SLC8A1: variants seen among roughly 807,000 people sequenced by gnomAD.
SLC8A1 encodes the protein solute carrier family 8 member A1.
In SLC8A1, 18 loss-of-function variants were observed where a neutral mutation model predicts 68.3. The observed-to-expected ratio is 0.26, with a 90% CI of 0.18 to 0.39. SLC8A1 has a LOEUF of 0.39. Ranked by LOEUF, SLC8A1 falls within the 10% of genes least tolerant of loss-of-function variation. SLC8A1 has a pLI of 1.00. For missense variants in SLC8A1, 985 were observed against 1,156.7 expected (o/e 0.85, Z 2.15); for synonymous variants, 475 against 415.5 (o/e 1.14, Z -1.74).
chr2:40,280,554 A>T (rs1476121607), intron 2 of SLC8A1, among the ~76,000 whole-genome samples: 1 of 152,202 alleles, frequency 6.6e-6, no homozygotes, highest in African/African-American at 2.4e-5. Flanking sequence ...AAATTAACTA[A>T]TTCATTTATT....
intron 2 of SLC8A1, among the ~76,000 whole-genome samples, chr2:40,388,149 G>A (rs1369925620): frequency 6.6e-6 from 1 of 152,036 alleles, no homozygotes; most frequent in Non-Finnish European, 1.5e-5. Flanking sequence ...CTGATGAGTA[G>A]TGCCCCTTAG....
chr2:40,407,925 G>T lies in SLC8A1; in HGVS notation c.1808+20548C>A, dbSNP rs567193980. Among the ~76,000 whole-genome samples, 9 of 152,228 alleles carry T rather than the reference G, an allele frequency of 5.9e-5. No individual in the cohort carries two copies. In the South Asian group the frequency reaches 6.2e-4, roughly 11 times the overall value. On this transcript the variant is annotated intron_variant, in intron 2 of 7. Coordinates refer to ENST00000406785, the Ensembl canonical transcript of SLC8A1. ...TTTTCTATCCTGTGGATCTTCACTG[G>T]TGACTGTAACTACTAACCAGTTTGC...
At chr2:40,214,021 T>C (rs1230076682) in intron 2 of SLC8A1, among the ~76,000 whole-genome samples, 1 of 152,082 alleles carries the variant, frequency 6.6e-6, no homozygotes, top group Non-Finnish European at 1.5e-5. Context: ...AAAACCTAAG[T>C]GTGTAGCCAG....
intron 2 of SLC8A1, among the ~76,000 whole-genome samples, chr2:40,365,795 G>C (rs1318576052): frequency 6.6e-6 from 1 of 151,936 alleles, no homozygotes. Flanking sequence ...GAGGCCAGGA[G>C]TTCAAGACCA....
At chr2:40,172,674 G>A (rs1191881074) in intron 4 of SLC8A1, among the ~76,000 whole-genome samples, 2 of 152,166 alleles carry the variant, frequency 1.3e-5, no homozygotes, top group East Asian at 3.9e-4. Flanking sequence ...CAGGTGCGGT[G>A]GCTCACGCCT....
chr2:40,147,232 TA>T (rs66542100), intron 6 of SLC8A1, among the ~76,000 whole-genome samples: 45,387 of 151,580 alleles, frequency 0.3, 6,993 homozygotes, highest in African/African-American at 0.35. Context: ...CTCTTGTTCC[TA>T]AAAAAAAATC....
At chr2:40,341,616 A>T (rs964378095) in intron 2 of SLC8A1, among the ~76,000 whole-genome samples, 1 of 152,294 alleles carries the variant, frequency 6.6e-6, no homozygotes, top group African/African-American at 2.4e-5. Flanking sequence ...TGCTTTTTGG[A>T]AAGTTTCTTA....
At chr2:40,367,253 C>T (rs1676526236) in intron 2 of SLC8A1, among the ~76,000 whole-genome samples, 1 of 152,012 alleles carries the variant, frequency 6.6e-6, no homozygotes, top group African/African-American at 2.4e-5. Flanking sequence ...CCATTTGTCT[C>T]CTAGACATCA....
At chr2:40,443,654 A>G (rs536881459) in intron 1 of SLC8A1, among the ~76,000 whole-genome samples, 1 of 152,320 alleles carries the variant, frequency 6.6e-6, no homozygotes, top group South Asian at 2.1e-4. Context: ...TATAGGGTCA[A>G]TGTGGTAGAT....
At chr2:40,353,880 C>T (rs141368360) in intron 2 of SLC8A1, among the ~76,000 whole-genome samples, 1,681 of 152,340 alleles carry the variant, frequency 0.011, 19 homozygotes, top group Non-Finnish European at 0.019. Flanking sequence ...GAATCTACTT[C>T]CTCACTGCCC....
chr2:40,434,901 A>G (rs1032817474), intron 1 of SLC8A1, among the ~76,000 whole-genome samples: 1 of 152,154 alleles, frequency 6.6e-6, no homozygotes, highest in Non-Finnish European at 1.5e-5. Flanking sequence ...AGAAACCCAC[A>G]TCTACAAGAG....
chr2:40,388,246 C>G (rs76929726), intron 2 of SLC8A1, among the ~76,000 whole-genome samples: 4,132 of 152,136 alleles, frequency 0.027, 84 homozygotes, highest in Non-Finnish European at 0.04. Context: ...TGAATTGCTA[C>G]AAAATATAGA....
At chr2:40,256,849 C>A (rs1354918289) in intron 2 of SLC8A1, among the ~76,000 whole-genome samples, 1 of 152,216 alleles carries the variant, frequency 6.6e-6, no homozygotes, top group East Asian at 1.9e-4. Flanking sequence ...TATTCTGCCA[C>A]CTGGGACAGC....
intron 2 of SLC8A1, among the ~76,000 whole-genome samples, chr2:40,391,841 T>C (rs1285106180): frequency 1.3e-5 from 2 of 152,018 alleles, no homozygotes; most frequent in African/African-American, 2.4e-5. Context: ...AGTTCCACAT[T>C]TTCAGGCAGA....
intron 2 of SLC8A1, among the ~76,000 whole-genome samples, chr2:40,218,865 G>A (rs768338681): frequency 5.3e-5 from 8 of 152,166 alleles, no homozygotes; most frequent in Non-Finnish European, 1.2e-4. Flanking sequence ...GGCTCACCCC[G>A]AGGCTAATAG....
In SLC8A1 at chr2:40,207,595, T is replaced by C. The variant is rs552807772; in HGVS notation, c.1809-29740A>G. Among the ~76,000 whole-genome samples the C allele has an allele frequency of 2.4e-4, 36 of 152,172 alleles. No homozygotes were observed. In the South Asian group the frequency reaches 6.6e-3, roughly 28 times the overall value. ...CTTTAAATGCTACACAAAATATATT[T>C]TTATATTAAACAAATCCACATTAAG... On this transcript the variant is annotated intron_variant, in intron 2 of 7. Coordinates refer to ENST00000406785, the Ensembl canonical transcript of SLC8A1.
At chr2:40,494,976 G>A (rs1022475395) in intron 1 of SLC8A1, among the ~76,000 whole-genome samples, 1 of 151,572 alleles carries the variant, frequency 6.6e-6, no homozygotes, top group African/African-American at 2.4e-5. Context: ...TGAAAAAACT[G>A]AAGCAAAGAT....
intron 2 of SLC8A1, among the ~76,000 whole-genome samples, chr2:40,353,554 GA>G (rs577207310): frequency 1.2e-4 from 18 of 148,544 alleles, no homozygotes; most frequent in East Asian, 5.9e-4. Context: ...ATTACAAGTG[GA>G]AAAAAAAAAT....
At chr2:40,287,097 T>C (rs887866047) in intron 2 of SLC8A1, among the ~76,000 whole-genome samples, 2 of 152,220 alleles carry the variant, frequency 1.3e-5, no homozygotes, top group African/African-American at 4.8e-5. Context: ...GTAAGCAATG[T>C]TACACTCAGC....
Sources: gnomAD v4.1 joint callset for allele counts (sites outside exome capture counted in the v4.1 genomes callset) on GRCh38, gnomAD v4.1.1 for gene constraint, MANE v1.5 for transcripts, NCBI Gene and HGNC (gene_info 2026-07-23, HGNC 2026-07-21) for gene names.